PKHD1: variants seen among roughly 807,000 people sequenced by gnomAD.
The protein encoded by PKHD1 is PKHD1 ciliary IPT domain containing fibrocystin/polyductin.
A neutral mutation model predicts 412.0 loss-of-function variants in PKHD1; 291 were observed. The ratio of observed to expected loss-of-function variants is 0.71; its 90% confidence interval spans 0.64 to 0.78. PKHD1 has a LOEUF of 0.78. PKHD1 is among the 30% of genes least tolerant of loss of function. The probability of loss-of-function intolerance (pLI) is 0.00; values close to 1 mark genes in which losing one functional copy is unlikely to be tolerated. For missense variants in PKHD1, 4,825 were observed against 4,950.7 expected (o/e 0.97, Z 0.76); for synonymous variants, 1,777 against 1,821.5 (o/e 0.98, Z 0.62).
intron 60 of PKHD1, among the ~76,000 whole-genome samples, chr6:51,692,937 C>T (rs1423194357): frequency 6.6e-6 from 1 of 151,942 alleles, no homozygotes; most frequent in African/African-American, 2.4e-5. Flanking sequence ...TTTTGCTGTT[C>T]TTGAAATGTT....
intron 13 of PKHD1, 58 bp from the exon 14 acceptor site, chr6:52,062,718 T>TTA: frequency 6.2e-7 from 1 of 1,602,902 alleles, no homozygotes; most frequent in Non-Finnish European, 8.5e-7. Flanking sequence ...AATTGGGGAA[T>TTA]TACTTTATTT....
chr6:51,761,780 CAA>C (rs1582524734), intron 55 of PKHD1, among the ~76,000 whole-genome samples: 1 of 151,674 alleles, frequency 6.6e-6, no homozygotes, highest in Non-Finnish European at 1.5e-5. Flanking sequence ...GATAACAGGA[CAA>C]AGAGACTGGA....
Position 51,911,787 on chromosome 6 carries a change from A to G in PKHD1, c.6490+12T>C, listed in dbSNP as rs1561858585. Reference sequence around the variant, plus strand: ...TTTGCTCATTAGACTTTCCAACAAAACACTCTTCTACCTTCTGGAGCATTG... The same window carrying G: ...TTTGCTCATTAGACTTTCCAACAAAGCACTCTTCTACCTTCTGGAGCATTG... On this transcript the variant is annotated intron_variant, in intron 39 of 66. Transcript: ENST00000371117. The G allele has an allele frequency of 6.2e-7, 1 of 1,609,982 alleles. No homozygotes were observed. The highest frequency in any genetic ancestry group is 2.2e-5 in the East Asian group (1 of 44,826).
chr6:51,639,450 A>G lies in PKHD1; in HGVS notation c.11399-494T>C, dbSNP rs569125156. ...AGTCTGTCTTTCTTCTATCCAAGTTATCTATAGTTTATGTGGTACCAGAAT... is the reference window on the plus strand; with the variant it reads ...AGTCTGTCTTTCTTCTATCCAAGTTGTCTATAGTTTATGTGGTACCAGAAT... On this transcript the variant is annotated intron_variant, in intron 63 of 66. Coordinates refer to ENST00000371117, the MANE Select transcript of PKHD1 (RefSeq NM_138694.4). Among the ~76,000 whole-genome samples the G allele has an allele frequency of 2.6e-5, 4 of 152,218 alleles. No individual in the cohort carries two copies. The East Asian group carries it at 7.7e-4, about 29-fold the overall frequency.
At chr6:51,654,745 C>A (rs1248137610) in intron 61 of PKHD1, among the ~76,000 whole-genome samples, 1 of 151,922 alleles carries the variant, frequency 6.6e-6, no homozygotes, top group Non-Finnish European at 1.5e-5. Flanking sequence ...AGTGGTCTGG[C>A]ACCATTCAGT....
In PKHD1 at chr6:51,883,109, C is replaced by T. The variant is rs1241785777; in HGVS notation, c.7334G>A (p.Gly2445Asp). 3 of 1,613,312 alleles carry T rather than the reference C, an allele frequency of 1.9e-6. No individual in the cohort carries two copies. The highest frequency in any genetic ancestry group is 1.3e-5 in the African/African-American group (1 of 75,004). ...NTSVTDSLLL[G>D]HFAHKGSLCM... ...GGCACTTACCTTGTGGGCAAAATGA[C>T]CAAGTAATAAGCTGTCAGTAACTGA... Residue 2445 changes from glycine (G) to aspartate (D), a missense_variant, in exon 46 of 67, where the codon GGT becomes GAT. Coordinates refer to ENST00000371117, the MANE Select transcript of PKHD1 (RefSeq NM_138694.4).
intron 60 of PKHD1, among the ~76,000 whole-genome samples, chr6:51,665,231 T>C (rs1773543909): frequency 6.6e-6 from 1 of 152,158 alleles, no homozygotes; most frequent in African/African-American, 2.4e-5. Flanking sequence ...ACAGATATAC[T>C]TTTTCTAGCC....
chr6:51,751,402 G>A (rs1786094675), intron 57 of PKHD1, among the ~76,000 whole-genome samples: 1 of 152,112 alleles, frequency 6.6e-6, no homozygotes, highest in South Asian at 2.1e-4. Flanking sequence ...GAAAAAAACT[G>A]ATAAAATTTG....
At chr6:52,081,562 CA>C (rs34967266) in intron 4 of PKHD1, among the ~76,000 whole-genome samples, 49,223 of 149,964 alleles carry the variant, frequency 0.33, 8,496 homozygotes, top group African/African-American at 0.46. Flanking sequence ...GTGTAAATTA[CA>C]AAAAAAAAAA....
Position 51,909,468 on chromosome 6 carries a change from A to T in PKHD1, c.6497T>A (p.Leu2166Gln), listed in dbSNP as rs780609043. The change falls in exon 40 of 67, where the codon CTG becomes CAG. Residue 2166 changes from leucine to glutamine, a missense_variant. By Grantham distance (113) the Leu-to-Gln change is moderately radical. Transcript: ENST00000371117. ...ACTCATGGAATACAAACAGTGCTGCAGATTACCTGAAATGCAAAATAAAGT... is the reference window on the plus strand; with the variant it reads ...ACTCATGGAATACAAACAGTGCTGCTGATTACCTGAAATGCAAAATAAAGT... The part of the protein sequence containing the change: ...CQEANAPEGN[L>Q]QHCLYSMSEK... 2 of 1,612,438 alleles carry T rather than the reference A, an allele frequency of 1.2e-6. No homozygotes were observed. The highest frequency in any genetic ancestry group is 2.2e-5 in the South Asian group (2 of 91,052).
chr6:51,757,794 G>A (rs1453685616), intron 55 of PKHD1, among the ~76,000 whole-genome samples: 1 of 151,940 alleles, frequency 6.6e-6, no homozygotes, highest in African/African-American at 2.4e-5. Context: ...CTTGAACCCA[G>A]GAGTTCAAGA....
chr6:51,716,102 G>A (rs1413330614), intron 60 of PKHD1, among the ~76,000 whole-genome samples: 1 of 152,296 alleles, frequency 6.6e-6, no homozygotes, highest in East Asian at 1.9e-4. Flanking sequence ...GATTATTTCT[G>A]CAGTTCTTTT....
intron 35 of PKHD1, among the ~76,000 whole-genome samples, chr6:51,969,788 C>CAT (rs373608853): frequency 0.045 from 6,867 of 151,938 alleles, 175 homozygotes; most frequent in Non-Finnish European, 0.072. Flanking sequence ...CACACACACA[C>CAT]ATATATATAT....
rs369162578 is a variant in PKHD1 at position 51,843,939 on chromosome 6, T to C, written c.8107+3836A>G. On this transcript the variant is annotated intron_variant, in intron 50 of 66. Transcript: ENST00000371117. Reference sequence around the variant, plus strand: ...CATCACATTTCAATCACGGGAACAATATATCATATATGTCATATTATGGTG... The same window carrying C: ...CATCACATTTCAATCACGGGAACAACATATCATATATGTCATATTATGGTG... Among the ~76,000 whole-genome samples, 105 of 152,322 alleles carry C rather than the reference T, an allele frequency of 6.9e-4. 1 individual carries two copies. Among genetic ancestry groups the C allele is most frequent in the African/African-American group, 2.4e-3 (101 of 41,568 alleles).
intron 28 of PKHD1, among the ~76,000 whole-genome samples, chr6:52,035,226 A>T (rs1803745622): frequency 6.6e-6 from 1 of 152,228 alleles, no homozygotes; most frequent in Admixed American, 6.5e-5. Flanking sequence ...ATGAAAACTA[A>T]GTTATTTGTT....
Position 51,875,002 on chromosome 6 carries a change from G to A in PKHD1, c.7351-4363C>T, listed in dbSNP as rs1386333658. Among the ~76,000 whole-genome samples the A allele has an allele frequency of 1.1e-3, 64 of 60,006 alleles. 5 individuals carry two copies. Among genetic ancestry groups the A allele is most frequent in the Non-Finnish European group, 5.8e-4 (20 of 34,466 alleles). The allele number at this position is 60,006 out of a possible 152,430, so 39.4% of individuals were successfully genotyped here. On this transcript the variant is annotated intron_variant, in intron 46 of 66. Coordinates refer to ENST00000371117, the MANE Select transcript of PKHD1 (RefSeq NM_138694.4). ...TTTCCGAGTCAAAGAAAGGGGTGAC[G>A]GACGCACCTGGAAAATCGGGTCACT...
At chr6:51,721,774 C>G (rs1442024537) in intron 60 of PKHD1, 26 of 1,418,104 alleles carry the variant, frequency 1.8e-5, no homozygotes, top group African/African-American at 2.9e-5. Flanking sequence ...ACTCTATTTC[C>G]TCTCTTTTGT....
In PKHD1 at chr6:52,055,736, G is replaced by T; in HGVS notation, c.1694-7C>A. On this transcript the variant is annotated splice_polypyrimidine_tract_variant and splice_region_variant and intron_variant, in intron 18 of 66. Coordinates refer to ENST00000371117, the MANE Select transcript of PKHD1 (RefSeq NM_138694.4). ...GAGTTGGAAACTTCTGGGCCTGGAT[G>T]CAGTTCAGATAAAATAGAAAGGCAG... The T allele has an allele frequency of 6.2e-7, 1 of 1,613,608 alleles. No individual in the cohort carries two copies. The highest frequency in any genetic ancestry group is 1.1e-5 in the South Asian group (1 of 91,050).
intron 60 of PKHD1, among the ~76,000 whole-genome samples, chr6:51,701,879 T>C (rs1779442825): frequency 6.6e-6 from 1 of 151,812 alleles, no homozygotes; most frequent in Non-Finnish European, 1.5e-5. Context: ...ATCAAGGATA[T>C]TATGTACACA....
Sources: allele counts gnomAD v4.1 joint callset (sites outside exome capture counted in the v4.1 genomes callset), GRCh38; gene constraint gnomAD v4.1.1; transcripts MANE v1.5; gene names NCBI Gene and HGNC (gene_info 2026-07-23, HGNC 2026-07-21).